Variants in TRDN observed in about 807,000 individuals in gnomAD.
TRDN encodes the protein triadin in skeletal muscle.
TRDN carries 161 observed loss-of-function variants against 149.7 expected under a neutral mutation model. The ratio of observed to expected loss-of-function variants is 1.08; its 90% confidence interval spans 0.95 to 1.23. The LOEUF (loss-of-function observed/expected upper bound fraction) is 1.23. TRDN is among the 50% of genes most tolerant of loss of function. The pLI, the probability that TRDN is intolerant of heterozygous loss-of-function variation, is 0.00. For missense variants in TRDN, 896 were observed against 823.5 expected (o/e 1.09, Z -1.08); for synonymous variants, 294 against 250.5 (o/e 1.17, Z -1.64).
In TRDN at chr6:123,294,007, C is replaced by T. The variant is rs1299047826; in HGVS notation, c.1511-14925G>A. Among the ~76,000 whole-genome samples the T allele has an allele frequency of 2.0e-5, 3 of 152,134 alleles. No individual in the cohort carries two copies. In the South Asian group the frequency reaches 6.2e-4, roughly 32 times the overall value. On this transcript the variant is annotated intron_variant, in intron 24 of 40. Coordinates refer to ENST00000334268, the MANE Select transcript of TRDN (RefSeq NM_006073.4). ...TAAGTCAATCCTAAGGAGCTTGACT[C>T]AAACCCTAGAAACCTTAGCTACCAA...
intron 24 of TRDN, among the ~76,000 whole-genome samples, chr6:123,283,435 A>G (rs1777672513): frequency 6.6e-6 from 1 of 151,938 alleles, no homozygotes; most frequent in Admixed American, 6.6e-5. Context: ...AACCAAACCC[A>G]AACCCAGCAG....
chr6:123,492,345 AT>A (rs1327449252), intron 9 of TRDN, among the ~76,000 whole-genome samples: 1 of 152,176 alleles, frequency 6.6e-6, no homozygotes, highest in East Asian at 1.9e-4. Context: ...AATTATTAAA[AT>A]TACTAAGCAC....
Position 123,274,467 on chromosome 6 carries a change from C to G in TRDN, c.1597+174G>C, listed in dbSNP as rs544276287. Among the ~76,000 whole-genome samples, 13 of 152,166 alleles carry G rather than the reference C, an allele frequency of 8.5e-5. No homozygotes were observed. The South Asian group carries it at 2.7e-3, about 32-fold the overall frequency. On this transcript the variant is annotated intron_variant, in intron 27 of 40. Transcript: ENST00000334268. ...GGTGTTTTAGTCTAGGGAATATTCC[C>G]ATTCTCACCTAATCCAGTGCTATAA...
chr6:123,567,421 A>G (rs910172935), intron 2 of TRDN, among the ~76,000 whole-genome samples: 3 of 152,182 alleles, frequency 2.0e-5, no homozygotes, highest in Non-Finnish European at 4.4e-5. Context: ...TTGTTCCGGC[A>G]TTGCTATAAA....
intron 9 of TRDN, among the ~76,000 whole-genome samples, chr6:123,483,664 T>G (rs1777862559): frequency 6.6e-6 from 1 of 152,192 alleles, no homozygotes; most frequent in Non-Finnish European, 1.5e-5. Context: ...AGCACCTTCT[T>G]CTATTTTTCT....
At chr6:123,528,820 TA>T (rs1780074227) in intron 5 of TRDN, 2 of 1,001,240 alleles carry the variant, frequency 2.0e-6, no homozygotes, top group Non-Finnish European at 1.2e-6. Context: ...GTGGAAAACA[TA>T]AGCTCTCTCT....
At chr6:123,426,309 G>A (rs1774117171) in intron 12 of TRDN, among the ~76,000 whole-genome samples, 1 of 152,110 alleles carries the variant, frequency 6.6e-6, no homozygotes, top group Admixed American at 6.6e-5. Context: ...GGAACAGTTT[G>A]GAGAGAGTAG....
rs368676523 is a variant in TRDN at position 123,636,798 on chromosome 6, C to G, written c.-23G>C. On this transcript the variant is annotated 5_prime_UTR_variant, in exon 1 of 41. Transcript: ENST00000334268. Reference sequence around the variant, plus strand: ...CATGGTGGTCGTCAAAAGTAAAAGTCAGTTGAAAAGTTCCCGTCAAGTTGC... The same window carrying G: ...CATGGTGGTCGTCAAAAGTAAAAGTGAGTTGAAAAGTTCCCGTCAAGTTGC... The G allele has an allele frequency of 1.3e-5, 21 of 1,611,044 alleles. No homozygotes were observed. The highest frequency in any genetic ancestry group is 1.7e-5 in the Non-Finnish European group (20 of 1,178,218).
chr6:123,350,322 A>C, intron 21 of TRDN: 2 of 950,646 alleles, frequency 2.1e-6, no homozygotes, highest in Non-Finnish European at 2.5e-6. Context: ...CCAGAGATTC[A>C]ATATGCACAA....
intron 5 of TRDN, among the ~76,000 whole-genome samples, chr6:123,519,850 C>A (rs1439297999): frequency 6.6e-6 from 1 of 151,692 alleles, no homozygotes; most frequent in Non-Finnish European, 1.5e-5. Flanking sequence ...TAACTAATTC[C>A]TCTCATTTTC....
chr6:123,562,175 C>T (rs1456095330), intron 2 of TRDN, among the ~76,000 whole-genome samples: 8 of 151,886 alleles, frequency 5.3e-5, no homozygotes, highest in African/African-American at 1.9e-4. Flanking sequence ...CAGAGAATAA[C>T]CCCCCTTTGA....
intron 5 of TRDN, among the ~76,000 whole-genome samples, chr6:123,516,910 A>G (rs1001087969): frequency 4.6e-5 from 7 of 151,992 alleles, no homozygotes; most frequent in African/African-American, 7.2e-5. Context: ...CGCTCTTTCA[A>G]TCATGTCTTT....
intron 22 of TRDN, among the ~76,000 whole-genome samples, chr6:123,332,384 C>T (rs1779693055): frequency 6.6e-6 from 1 of 152,032 alleles, no homozygotes; most frequent in Admixed American, 6.6e-5. Flanking sequence ...TCTTCAGACT[C>T]AAACTTGAGA....
At chr6:123,270,394 T>C (rs911873725) in intron 30 of TRDN, among the ~76,000 whole-genome samples, 1 of 151,938 alleles carries the variant, frequency 6.6e-6, no homozygotes, top group African/African-American at 2.4e-5. Flanking sequence ...TTTAAATCCT[T>C]ATTATCTGAT....
chr6:123,224,013 GGA>G (rs1491528919), intron 39 of TRDN, 78 bp downstream of exon 39: 4 of 1,172,666 alleles, frequency 3.4e-6, no homozygotes, highest in African/African-American at 4.0e-5. Context: ...AGAATAGCTA[GGA>G]AAAAAAAAAA....
chr6:123,586,091 T>A (rs966546396), intron 1 of TRDN, among the ~76,000 whole-genome samples: 1 of 152,038 alleles, frequency 6.6e-6, no homozygotes, highest in African/African-American at 2.4e-5. Flanking sequence ...CTGGGCTGGG[T>A]TTTTCATATT....
intron 12 of TRDN, among the ~76,000 whole-genome samples, chr6:123,399,961 T>G (rs1010609847): frequency 3.9e-5 from 6 of 151,960 alleles, no homozygotes; most frequent in African/African-American, 1.4e-4. Flanking sequence ...CAAATGTGAA[T>G]TCTACTTAGA....
chr6:123,438,877 A>G lies in TRDN; in HGVS notation c.991+67T>C, dbSNP rs1168537211. On this transcript the variant is annotated intron_variant, in intron 11 of 40. Transcript: ENST00000334268. ...GAATTTCTTTCCTAGAAAATAATAG[A>G]TTTACCAGTAGTATTATGCATGGAC... 1.8e-5 allele frequency: 23 copies of G among 1,255,646 alleles called. 1 individual carries two copies. The East Asian group carries it at 5.0e-4, about 27-fold the overall frequency. The allele number at this position is 1,255,646 out of a possible 1,614,324, so 77.8% of individuals were successfully genotyped here.
chr6:123,601,476 A>AT (rs1020822216), intron 1 of TRDN, among the ~76,000 whole-genome samples: 1 of 152,078 alleles, frequency 6.6e-6, no homozygotes, highest in Non-Finnish European at 1.5e-5. Context: ...CAGGGACTAT[A>AT]TTTTTTAACA....
Sources: gnomAD v4.1 joint callset for allele counts (sites outside exome capture counted in the v4.1 genomes callset) on GRCh38, gnomAD v4.1.1 for gene constraint, MANE v1.5 for transcripts, NCBI Gene and HGNC (gene_info 2026-07-23, HGNC 2026-07-21) for gene names.